The following MARCHF8 variants were observed in gnomAD, a reference collection of about 807,000 sequenced individuals.
MARCHF8 encodes membrane associated ring-CH-type finger 8, also known as E3 ubiquitin-protein ligase MARCHF8.
In MARCHF8, 40 loss-of-function variants were observed where a neutral mutation model predicts 51.6. The ratio of observed to expected loss-of-function variants is 0.77; its 90% CI spans 0.60 to 1.01. The LOEUF (loss-of-function observed/expected upper bound fraction) is 1.01, where lower values mean the gene tolerates loss of function less well. Among genes scored for constraint, MARCHF8 ranks in the 50% least tolerant of loss-of-function variants. MARCHF8 has a pLI of 0.00. For missense variants in MARCHF8, 685 were observed against 708.6 expected (o/e 0.97, Z 0.38); for synonymous variants, 263 against 280.3 (o/e 0.94, Z 0.62).
chr10:45,533,713 G>T (rs550909732), intron 1 of MARCHF8, among the ~76,000 whole-genome samples: 1 of 152,258 alleles, frequency 6.6e-6, no homozygotes, highest in South Asian at 2.1e-4. Context: ...AGGTTAGGAA[G>T]TCCAAATTAA....
At chr10:45,586,713 G>A (rs2044622182) in intron 1 of MARCHF8, among the ~76,000 whole-genome samples, 1 of 151,774 alleles carries the variant, frequency 6.6e-6, no homozygotes, top group Non-Finnish European at 1.5e-5. Flanking sequence ...TAAATATATT[G>A]GGAATTTTTA....
At chr10:45,555,385 TG>T in intron 1 of MARCHF8, among the ~76,000 whole-genome samples, 1 of 151,780 alleles carries the variant, frequency 6.6e-6, no homozygotes, top group Non-Finnish European at 1.5e-5. Flanking sequence ...CATTAATTAA[TG>T]TAATTAACTC....
intron 3 of MARCHF8, 38 bp downstream of exon 3, chr10:45,489,329 C>T (rs762359248): frequency 5.3e-6 from 8 of 1,508,908 alleles, no homozygotes; most frequent in African/African-American, 4.2e-5. Flanking sequence ...ACAGAAAAGA[C>T]TCAAGGTAAT....
intron 1 of MARCHF8, among the ~76,000 whole-genome samples, chr10:45,592,631 G>A (rs551132959): frequency 6.6e-6 from 1 of 152,220 alleles, no homozygotes; most frequent in African/African-American, 2.4e-5. Context: ...CTACATAAGG[G>A]AAAAAGAAAC....
chr10:45,529,086 C>T (rs10900224), intron 2 of MARCHF8, among the ~76,000 whole-genome samples: 33,503 of 152,166 alleles, frequency 0.22, 4,024 homozygotes, highest in Admixed American at 0.29. Flanking sequence ...AAGGCTATAA[C>T]AACCAAAACT....
chr10:45,470,191 C>G (rs1422632876), intron 3 of MARCHF8, among the ~76,000 whole-genome samples: 1 of 152,198 alleles, frequency 6.6e-6, no homozygotes, highest in African/African-American at 2.4e-5. Flanking sequence ...TTCCCACAGA[C>G]TAGGAGTCTA....
At chr10:45,547,490 G>A (rs1315930417) in intron 1 of MARCHF8, among the ~76,000 whole-genome samples, 1 of 152,130 alleles carries the variant, frequency 6.6e-6, no homozygotes, top group Non-Finnish European at 1.5e-5. Flanking sequence ...AATTATCCCT[G>A]ACTAAGCGGG....
At chr10:45,577,748 T>G (rs1480411532) in intron 1 of MARCHF8, among the ~76,000 whole-genome samples, 1 of 152,140 alleles carries the variant, frequency 6.6e-6, no homozygotes, top group Non-Finnish European at 1.5e-5. Context: ...GATATATAAA[T>G]TTAAAATAAG....
At chr10:45,571,898 T>C (rs187874608) in intron 1 of MARCHF8, among the ~76,000 whole-genome samples, 8 of 152,166 alleles carry the variant, frequency 5.3e-5, no homozygotes, top group South Asian at 2.1e-4. Flanking sequence ...GCACCAGTCA[T>C]AGACTCAGGA....
chr10:45,579,322 A>G lies in MARCHF8; in HGVS notation c.-79+14913T>C, dbSNP rs58593561. On this transcript the variant is annotated intron_variant, in intron 1 of 6. Coordinates refer to the MARCHF8 transcript ENST00000319836. Reference sequence around the variant, plus strand: ...TATATTCTTTGTGTATTTTTTCTGTAAGTTACACATAAAGCAAAAGACATA... The same window carrying G: ...TATATTCTTTGTGTATTTTTTCTGTGAGTTACACATAAAGCAAAAGACATA... 4.3e-3 allele frequency among the ~76,000 whole-genome samples: 660 copies of G among 152,176 alleles called. 8 individuals carry two copies. Among genetic ancestry groups the G allele is most frequent in the African/African-American group, 0.015 (620 of 41,526 alleles).
intron 2 of MARCHF8, among the ~76,000 whole-genome samples, chr10:45,498,319 C>T (rs532261853): frequency 6.6e-6 from 1 of 152,112 alleles, no homozygotes; most frequent in Non-Finnish European, 1.5e-5. Flanking sequence ...ATCTTCCTAC[C>T]CCCGAAATAT....
chr10:45,462,315 C>T (rs753170067), intron 5 of MARCHF8: 1 of 152,082 alleles, frequency 6.6e-6, no homozygotes, highest in African/African-American at 2.4e-5. Context: ...GGATGCTGCA[C>T]AAGGGAAGAT....
At chr10:45,564,985 TAAA>T (rs60290162) in intron 1 of MARCHF8, among the ~76,000 whole-genome samples, 195 of 98,662 alleles carry the variant, frequency 2.0e-3, no homozygotes, top group African/African-American at 6.1e-3. Context: ...TAGGATCCAC[TAAA>T]AAAAAAAAAA....
intron 3 of MARCHF8, among the ~76,000 whole-genome samples, chr10:45,473,266 A>G (rs1395106914): frequency 6.6e-6 from 1 of 152,232 alleles, no homozygotes; most frequent in Non-Finnish European, 1.5e-5. Context: ...TAGAGCAATC[A>G]TTGTAATTGC....
At chr10:45,512,431 T>G (rs947046833) in intron 2 of MARCHF8, among the ~76,000 whole-genome samples, 1 of 146,572 alleles carries the variant, frequency 6.8e-6, no homozygotes, top group Non-Finnish European at 1.5e-5. Flanking sequence ...AGCCACCCCG[T>G]CCGGGAGGTG....
At chr10:45,591,378 T>C (rs977014713) in intron 1 of MARCHF8, among the ~76,000 whole-genome samples, 6 of 151,958 alleles carry the variant, frequency 3.9e-5, no homozygotes, top group Admixed American at 6.6e-5. Context: ...GGCAGGAGAA[T>C]TGCTTCAACC....
At position 45,521,298 on chromosome 10, in the gene MARCHF8, A is replaced by C. The variant is rs74338290; in HGVS notation, c.102+11812T>G. Among the ~76,000 whole-genome samples, 1,030 of 152,360 alleles carry C rather than the reference A, an allele frequency of 6.8e-3. 9 individuals are homozygous for C. Among genetic ancestry groups the C allele is most frequent in the African/African-American group, 0.024 (981 of 41,580 alleles). ...TATACCATGATTTGATTAAGCAGTAAAAAAGATTACCCAAAACCAGTAATT... is the reference window on the plus strand; with the variant it reads ...TATACCATGATTTGATTAAGCAGTACAAAAGATTACCCAAAACCAGTAATT... On this transcript the variant is annotated intron_variant, in intron 2 of 7. Coordinates refer to ENST00000453424, the MANE Select transcript of MARCHF8 (RefSeq NM_001282866.2).
intron 3 of MARCHF8, among the ~76,000 whole-genome samples, chr10:45,473,227 A>G (rs1037103271): frequency 6.6e-6 from 1 of 152,234 alleles, no homozygotes; most frequent in African/African-American, 2.4e-5. Flanking sequence ...GTTAGTGCTC[A>G]AATTCATTGA....
chr10:45,511,081 CATA>C (rs754434684), intron 2 of MARCHF8, among the ~76,000 whole-genome samples: 12 of 152,260 alleles, frequency 7.9e-5, no homozygotes, highest in African/African-American at 1.4e-4. Context: ...TGATTAGAAT[CATA>C]ATATTTTAGT....
Sources: gnomAD v4.1 joint callset for allele counts (sites outside exome capture counted in the v4.1 genomes callset) on GRCh38, gnomAD v4.1.1 for gene constraint, MANE v1.5 for transcripts, NCBI Gene and HGNC (gene_info 2026-07-23, HGNC 2026-07-21) for gene names.